The following CREM variants were observed in gnomAD, a reference collection of about 807,000 sequenced individuals.
CREM encodes the protein cAMP-responsive element modulator.
In CREM, 13 loss-of-function variants were observed where a neutral mutation model predicts 37.3. That is an observed-to-expected ratio of 0.35 (90% CI 0.23 to 0.55). The LOEUF (loss-of-function observed/expected upper bound fraction) is 0.55. Ranked by LOEUF, CREM falls within the 20% of genes least tolerant of loss-of-function variation. The probability of loss-of-function intolerance (pLI) is 0.88; values close to 1 mark genes in which losing one functional copy is unlikely to be tolerated. For missense variants in CREM, 296 were observed against 362.3 expected (o/e 0.82, Z 1.49); for synonymous variants, 124 against 120.2 (o/e 1.03, Z -0.21).
intron 5 of CREM, among the ~76,000 whole-genome samples, chr10:35,185,587 A>G (rs549965163): frequency 1.3e-3 from 191 of 152,352 alleles, no homozygotes; most frequent in African/African-American, 4.2e-3. Context: ...TGACATTTTC[A>G]TACTTGTAAG....
chr10:35,199,489 C>G (rs2095318544), intron 6 of CREM, among the ~76,000 whole-genome samples: 1 of 152,226 alleles, frequency 6.6e-6, no homozygotes, highest in African/African-American at 2.4e-5. Flanking sequence ...TACAAATAAA[C>G]ATGAATACCA....
chr10:35,176,933 A>G (rs1320483281), intron 3 of CREM, among the ~76,000 whole-genome samples: 7 of 152,334 alleles, frequency 4.6e-5, no homozygotes, highest in Admixed American at 4.6e-4. Context: ...TCTTGAAGTT[A>G]AAACATTTTT....
chr10:35,160,422 A>T (rs191758271), intron 3 of CREM, among the ~76,000 whole-genome samples: 34 of 151,844 alleles, frequency 2.2e-4, no homozygotes, highest in Admixed American at 1.8e-3. Context: ...TTTTTTTAAT[A>T]GAATTTTGTT....
intron 6 of CREM, chr10:35,195,993 C>A (rs2095142176): frequency 1.3e-6 from 2 of 1,539,012 alleles, no homozygotes; most frequent in Non-Finnish European, 1.8e-6. Context: ...TTCTTGTTAG[C>A]CCTACTTTAA....
intron 3 of CREM, among the ~76,000 whole-genome samples, chr10:35,171,698 T>C (rs2093828387): frequency 6.6e-6 from 1 of 152,222 alleles, no homozygotes; most frequent in South Asian, 2.1e-4. Context: ...AGAATACTTG[T>C]AGGACCCCTG....
intron 6 of CREM, among the ~76,000 whole-genome samples, chr10:35,188,980 A>G (rs1006746809): frequency 1.3e-5 from 2 of 152,098 alleles, no homozygotes; most frequent in Admixed American, 6.6e-5. Flanking sequence ...GGCCACATGA[A>G]TGAATTTTTA....
At chr10:35,141,196 TA>T (rs1254726226) in intron 2 of CREM, among the ~76,000 whole-genome samples, 1 of 152,348 alleles carries the variant, frequency 6.6e-6, no homozygotes, top group Middle Eastern at 3.4e-3. Context: ...ATAGAGTTGT[TA>T]ATCAAAACTA....
chr10:35,158,012 A>G (rs1703095190), intron 3 of CREM, among the ~76,000 whole-genome samples: 1 of 152,210 alleles, frequency 6.6e-6, no homozygotes, highest in Non-Finnish European at 1.5e-5. Flanking sequence ...AAATACTTAG[A>G]AATAAATTTA....
chr10:35,189,480 A>G (rs1280435577), intron 6 of CREM, among the ~76,000 whole-genome samples: 2 of 151,264 alleles, frequency 1.3e-5, no homozygotes, highest in Non-Finnish European at 2.9e-5. Context: ...TTTTTTAAAA[A>G]TTTGCTTGCT....
intron 3 of CREM, among the ~76,000 whole-genome samples, chr10:35,161,587 C>G (rs757394372): frequency 6.6e-6 from 1 of 151,666 alleles, no homozygotes. Flanking sequence ...CACTTGAACC[C>G]GGGAGGCAGA....
intron 6 of CREM, chr10:35,201,303 T>C: frequency 1.3e-6 from 1 of 750,668 alleles, no homozygotes; most frequent in Non-Finnish European, 2.2e-6. Context: ...CTTGGAACGT[T>C]GTCTTTCAGA....
chr10:35,195,864 C>T (rs184615879), intron 6 of CREM: 5 of 580,500 alleles, frequency 8.6e-6, no homozygotes, highest in Non-Finnish European at 1.5e-5. Flanking sequence ...ACGTCAGCTC[C>T]GAGTCATGTT....
intron 5 of CREM, among the ~76,000 whole-genome samples, chr10:35,183,068 C>G (rs1401768865): frequency 6.6e-6 from 1 of 152,148 alleles, no homozygotes; most frequent in Non-Finnish European, 1.5e-5. Flanking sequence ...ATCCTCCATC[C>G]TACTATACCC....
At chr10:35,208,326 G>A in intron 7 of CREM, among the ~76,000 whole-genome samples, 1 of 151,858 alleles carries the variant, frequency 6.6e-6, no homozygotes, top group East Asian at 1.9e-4. Flanking sequence ...CCATATCTCT[G>A]TCATTTTATT....
At chr10:35,184,732 C>CA (rs1338137210) in intron 5 of CREM, among the ~76,000 whole-genome samples, 1 of 151,960 alleles carries the variant, frequency 6.6e-6, no homozygotes, top group South Asian at 2.1e-4. Flanking sequence ...ATTGTGAAAA[C>CA]AAAGTTTTTT....
rs1448620926 is a variant in CREM, at chr10:35,206,798, T to A, written c.599-97T>A. 3 of 1,111,074 alleles carry A rather than the reference T, an allele frequency of 2.7e-6. No homozygotes were observed. In the South Asian group the frequency reaches 3.8e-5, roughly 14 times the overall value. The allele number at this position is 1,111,074 out of a possible 1,614,324, so 68.8% of individuals were successfully genotyped here. A position where few individuals can be genotyped will look rare whatever the true frequency, so the allele number is the denominator to read the frequency against. On this transcript the variant is annotated intron_variant, in intron 6 of 7. Transcript: ENST00000685392. ...TTAAACATTACAAGATCACCTCTTA[T>A]GAGATGTCAAAAGTATATCATTTCC...
intron 6 of CREM, chr10:35,195,115 T>C (rs2095095572): frequency 6.6e-7 from 1 of 1,514,002 alleles, no homozygotes; most frequent in African/African-American, 1.4e-5. Flanking sequence ...ATCCTGCACA[T>C]GCTTGCTAAT....
intron 6 of CREM, chr10:35,195,028 G>A: frequency 1.7e-6 from 1 of 594,002 alleles, no homozygotes; most frequent in South Asian, 2.4e-5. Flanking sequence ...TTGGGTTTCA[G>A]TGAGCTCGCC....
intron 3 of CREM, chr10:35,167,510 A>G: frequency 1.8e-6 from 1 of 553,010 alleles, no homozygotes; most frequent in Non-Finnish European, 3.2e-6. Flanking sequence ...CTATACTATG[A>G]CATCATAAAC....
Sources: allele counts gnomAD v4.1 joint callset (sites outside exome capture counted in the v4.1 genomes callset), GRCh38; gene constraint gnomAD v4.1.1; transcripts MANE v1.5; gene names NCBI Gene and HGNC (gene_info 2026-07-23, HGNC 2026-07-21).